SV2C: variants seen among roughly 807,000 people sequenced by gnomAD.
SV2C encodes synaptic vesicle glycoprotein 2C.
Under a neutral mutation model 79.7 loss-of-function variants are expected in SV2C, and 49 were observed. The ratio of observed to expected loss-of-function variants is 0.61; its 90% CI spans 0.49 to 0.78. The LOEUF (loss-of-function observed/expected upper bound fraction) is 0.78, where lower values mean the gene tolerates loss of function less well. Among genes scored for constraint, SV2C ranks in the 30% least tolerant of loss-of-function variants. The pLI is 0.00. For missense variants in SV2C, 833 were observed against 912.9 expected (o/e 0.91, Z 1.13); for synonymous variants, 334 against 333.2 (o/e 1.00, Z -0.03).
chr5:76,148,155 G>A (rs143419868), intron 2 of SV2C, among the ~76,000 whole-genome samples: 1 of 152,284 alleles, frequency 6.6e-6, no homozygotes, highest in African/African-American at 2.4e-5. Context: ...CAAGTTCAAG[G>A]TTCTGGAAGA....
At chr5:75,872,124 A>G in the SV2C span, among the ~76,000 whole-genome samples, 1 of 148,778 alleles carries the variant, frequency 6.7e-6, no homozygotes. Context: ...TGCAAGAAGC[A>G]ATCAGAAATT....
chr5:75,963,343 G>C, the SV2C span, among the ~76,000 whole-genome samples: 1 of 152,144 alleles, frequency 6.6e-6, no homozygotes, highest in South Asian at 2.1e-4. Flanking sequence ...AGAGTGTATG[G>C]GAGGTTAATA....
At chr5:75,955,200 T>C in the SV2C span, among the ~76,000 whole-genome samples, 72 of 151,786 alleles carry the variant, frequency 4.7e-4, no homozygotes, top group African/African-American at 1.6e-3. Context: ...TACAGAGATA[T>C]AGATCAATGG....
chr5:76,348,526 T>G (rs1037866271), intron 12 of SV2C, among the ~76,000 whole-genome samples: 3 of 152,274 alleles, frequency 2.0e-5, no homozygotes, highest in African/African-American at 7.2e-5. Flanking sequence ...CTTCCAAAGC[T>G]GTACCATTTT....
chr5:76,216,142 C>T (rs1347887659), intron 4 of SV2C, among the ~76,000 whole-genome samples: 1 of 152,150 alleles, frequency 6.6e-6, no homozygotes, highest in Non-Finnish European at 1.5e-5. Context: ...CAGTGGAGTC[C>T]ACTCAGCCTG....
intron 3 of SV2C, among the ~76,000 whole-genome samples, chr5:76,199,238 T>C (rs1178696455): frequency 6.6e-6 from 1 of 152,212 alleles, no homozygotes; most frequent in African/African-American, 2.4e-5. Flanking sequence ...TTTTATCTAC[T>C]TAAACAACTC....
At chr5:76,007,656 A>T in the SV2C span, among the ~76,000 whole-genome samples, 27 of 152,132 alleles carry the variant, frequency 1.8e-4, no homozygotes, top group African/African-American at 6.5e-4. Context: ...ATTTATTTAG[A>T]AAATATTTAT....
intron 4 of SV2C, among the ~76,000 whole-genome samples, chr5:76,261,103 C>T (rs182532062): frequency 1.1e-4 from 17 of 152,246 alleles, no homozygotes; most frequent in Admixed American, 9.2e-4. Context: ...TTGTTTGTGT[C>T]CTCTCTTATT....
the SV2C span, among the ~76,000 whole-genome samples, chr5:75,934,585 CT>C: frequency 6.6e-6 from 1 of 152,084 alleles, no homozygotes; most frequent in African/African-American, 2.4e-5. Context: ...CGTGCCTGGC[CT>C]CAGAGTTTGT....
intron 4 of SV2C, among the ~76,000 whole-genome samples, chr5:76,284,339 T>C (rs1409092915): frequency 3.9e-5 from 6 of 152,160 alleles, no homozygotes; most frequent in Admixed American, 3.9e-4. Flanking sequence ...TAAAATTCTC[T>C]GGATCTATTT....
chr5:75,983,128 A>T, the SV2C span, among the ~76,000 whole-genome samples: 1 of 152,148 alleles, frequency 6.6e-6, no homozygotes, highest in Non-Finnish European at 1.5e-5. Flanking sequence ...TAACAAACAC[A>T]ACATAATAAT....
the SV2C span, among the ~76,000 whole-genome samples, chr5:76,031,931 T>C: frequency 2.0e-5 from 3 of 152,184 alleles, no homozygotes; most frequent in African/African-American, 7.2e-5. Context: ...CCTGAGGTAA[T>C]ATATGGATTC....
chr5:75,951,377 G>A, the SV2C span, among the ~76,000 whole-genome samples: 2 of 151,986 alleles, frequency 1.3e-5, no homozygotes, highest in African/African-American at 2.4e-5. Context: ...ATGCTGTTCA[G>A]AATTGGTCAT....
chr5:76,139,643 T>C (rs1296217924), intron 2 of SV2C, among the ~76,000 whole-genome samples: 2 of 152,204 alleles, frequency 1.3e-5, no homozygotes, highest in Non-Finnish European at 2.9e-5. Flanking sequence ...CTGGGAGACC[T>C]ACTTGGGTGT....
intron 6 of SV2C, among the ~76,000 whole-genome samples, chr5:76,288,202 A>C (rs1224141500): frequency 6.6e-6 from 1 of 152,246 alleles, no homozygotes; most frequent in Non-Finnish European, 1.5e-5. Flanking sequence ...CCTAACAAAC[A>C]TCAATTACAG....
the SV2C span, among the ~76,000 whole-genome samples, chr5:75,949,645 C>T: frequency 6.6e-6 from 1 of 151,948 alleles, no homozygotes; most frequent in East Asian, 1.9e-4. Context: ...GGGGTTTTGC[C>T]TCTTTCTTGG....
the SV2C span, among the ~76,000 whole-genome samples, chr5:75,943,699 C>A: frequency 6.6e-6 from 1 of 152,108 alleles, no homozygotes; most frequent in African/African-American, 2.4e-5. Flanking sequence ...TTTTATTGTC[C>A]TAAAATGTGG....
chr5:75,903,037 A>G, the SV2C span, among the ~76,000 whole-genome samples: 701 of 152,304 alleles, frequency 4.6e-3, 6 homozygotes, highest in Non-Finnish European at 7.1e-3. Flanking sequence ...TTTATTTTTC[A>G]GTTAAGAAAT....
At chr5:75,996,885 C>A in the SV2C span, among the ~76,000 whole-genome samples, 1 of 134,030 alleles carries the variant, frequency 7.5e-6, no homozygotes, top group South Asian at 2.3e-4. Flanking sequence ...AGATTTTGGG[C>A]TGAGACAGTG....
Sources: allele counts gnomAD v4.1 joint callset (sites outside exome capture counted in the v4.1 genomes callset), GRCh38; gene constraint gnomAD v4.1.1; transcripts MANE v1.5; gene names NCBI Gene and HGNC (gene_info 2026-07-23, HGNC 2026-07-21).